BCL2: variants seen among roughly 807,000 people sequenced by gnomAD.
The protein encoded by BCL2 is apoptosis regulator Bcl-2.
A neutral mutation model predicts 14.2 loss-of-function variants in BCL2; 1 was observed. That is an observed-to-expected ratio of 0.07 (90% CI 0.02 to 0.33). The LOEUF (loss-of-function observed/expected upper bound fraction) is 0.33. Among genes scored for constraint, BCL2 ranks in the 10% least tolerant of loss-of-function variants. The probability of loss-of-function intolerance (pLI) is 0.99; values close to 1 mark genes in which losing one functional copy is unlikely to be tolerated. For synonymous variants in BCL2, 151 were observed against 137.2 expected (o/e 1.10, Z -0.70); for missense variants, 247 against 305.9 (o/e 0.81, Z 1.44).
Position 63,299,763 on chromosome 18 carries a change from C to T in BCL2, c.585+18319G>A, listed in dbSNP as rs533104589. Among the ~76,000 whole-genome samples, 5 of 152,126 alleles carry T rather than the reference C, an allele frequency of 3.3e-5. 1 individual carries two copies. In the East Asian group the frequency reaches 9.7e-4, roughly 29 times the overall value. The stretch of plus-strand genomic sequence containing the variant: ...TTACTCTGCTTATTTGCATATGGTA[C>T]CCTTTCACATTCTCCAGAGAGCAAG... On this transcript the variant is annotated intron_variant, in intron 2 of 2. Transcript: ENST00000333681.
At chr18:63,152,264 C>G (rs923332670) in intron 2 of BCL2, among the ~76,000 whole-genome samples, 5 of 152,204 alleles carry the variant, frequency 3.3e-5, no homozygotes, top group African/African-American at 1.2e-4. Flanking sequence ...TGACACCACA[C>G]CAATGTGCTG....
chr18:63,254,899 CA>C, intron 2 of BCL2, among the ~76,000 whole-genome samples: 1 of 152,222 alleles, frequency 6.6e-6, no homozygotes, highest in Non-Finnish European at 1.5e-5. Context: ...TGAGGTCTTC[CA>C]AAGGTGACAT....
At chr18:63,316,406 T>C (rs557967590) in intron 2 of BCL2, 5 of 152,316 alleles carry the variant, frequency 3.3e-5, no homozygotes, top group South Asian at 2.1e-4. Flanking sequence ...AAAGGATCCT[T>C]TGGGAATCTG....
chr18:63,295,136 C>T (rs1370307748), intron 2 of BCL2, among the ~76,000 whole-genome samples: 2 of 151,680 alleles, frequency 1.3e-5, no homozygotes, highest in African/African-American at 4.8e-5. Context: ...TGCATTCCAG[C>T]CTGGGAGACA....
chr18:63,214,842 C>T (rs6567330), intron 2 of BCL2, among the ~76,000 whole-genome samples: 30,909 of 151,960 alleles, frequency 0.2, 3,967 homozygotes, highest in African/African-American at 0.37. Context: ...CCCCAAGTAG[C>T]TGGGACTACA....
chr18:63,147,286 A>G lies in BCL2; in HGVS notation c.586-18527T>C, dbSNP rs375658273. Among the ~76,000 whole-genome samples, 29 of 152,344 alleles carry G rather than the reference A, an allele frequency of 1.9e-4. No homozygotes were observed. The South Asian group carries it at 5.8e-3, about 30-fold the overall frequency. Reference sequence around the variant, plus strand: ...CCTCTAAAGGTCCTTGGTGACACTCAAGTGACATCACTTTTAGATTCTGGG... The same window carrying G: ...CCTCTAAAGGTCCTTGGTGACACTCGAGTGACATCACTTTTAGATTCTGGG... On this transcript the variant is annotated intron_variant, in intron 2 of 2. Transcript: ENST00000333681.
chr18:63,256,712 C>G (rs1209300408), intron 2 of BCL2, among the ~76,000 whole-genome samples: 1 of 152,142 alleles, frequency 6.6e-6, no homozygotes, highest in African/African-American at 2.4e-5. Flanking sequence ...GTTCTACTTA[C>G]AGTTTAGGGT....
chr18:63,230,953 T>C (rs777472773), intron 2 of BCL2, among the ~76,000 whole-genome samples: 1 of 151,972 alleles, frequency 6.6e-6, no homozygotes, highest in Admixed American at 6.5e-5. Flanking sequence ...TGCACAAATA[T>C]ATAGTATTTC....
intron 2 of BCL2, among the ~76,000 whole-genome samples, chr18:63,143,661 G>A (rs371077078): frequency 2.0e-5 from 3 of 152,366 alleles, no homozygotes; most frequent in African/African-American, 7.2e-5. Flanking sequence ...CTGTGCTACG[G>A]GGCCTTTATA....
In BCL2 at chr18:63,185,285, G is replaced by A. The variant is rs187355493; in HGVS notation, c.586-56526C>T. On this transcript the variant is annotated intron_variant, in intron 2 of 2. Coordinates refer to ENST00000333681, the MANE Select transcript of BCL2 (RefSeq NM_000633.3). ...AGTATTTCTATGGAAAAGCAGTGTCGTGATAAAAGGACAGGTCTTCAGGTC... is the reference window on the plus strand; with the variant it reads ...AGTATTTCTATGGAAAAGCAGTGTCATGATAAAAGGACAGGTCTTCAGGTC... 4.5e-4 allele frequency among the ~76,000 whole-genome samples: 68 copies of A among 152,330 alleles called. 1 individual carries two copies. Among genetic ancestry groups the A allele is most frequent in the Middle Eastern group, 6.8e-3 (2 of 294 alleles).
intron 2 of BCL2, chr18:63,302,951 C>T (rs1913011163): frequency 1.3e-5 from 12 of 920,624 alleles, no homozygotes; most frequent in Non-Finnish European, 1.6e-5. Context: ...GCCCTGGTTG[C>T]TGAAGGTGGG....
At chr18:63,160,702 C>A (rs1323746739) in intron 2 of BCL2, among the ~76,000 whole-genome samples, 1 of 152,200 alleles carries the variant, frequency 6.6e-6, no homozygotes, top group Non-Finnish European at 1.5e-5. Context: ...GTCCCTCCAA[C>A]CATCACATTC....
intron 2 of BCL2, among the ~76,000 whole-genome samples, chr18:63,200,705 C>T (rs151220874): frequency 1.2e-3 from 180 of 152,274 alleles, no homozygotes; most frequent in African/African-American, 3.9e-3. Context: ...TAGCTCAACA[C>T]GGGTGGGAGA....
chr18:63,222,636 C>A (rs758379991), intron 2 of BCL2, among the ~76,000 whole-genome samples: 2 of 152,086 alleles, frequency 1.3e-5, no homozygotes, highest in Non-Finnish European at 2.9e-5. Context: ...ACAAAACAGG[C>A]CATCAGTGAA....
chr18:63,195,070 A>G (rs764392660), intron 2 of BCL2, among the ~76,000 whole-genome samples: 4 of 152,240 alleles, frequency 2.6e-5, no homozygotes, highest in Non-Finnish European at 5.9e-5. Flanking sequence ...GGCATACCCA[A>G]CATCACAGTG....
intron 2 of BCL2, among the ~76,000 whole-genome samples, chr18:63,159,002 T>A (rs1213223184): frequency 6.6e-6 from 1 of 152,208 alleles, no homozygotes; most frequent in Non-Finnish European, 1.5e-5. Context: ...CACTGGAGTC[T>A]GACTAGAGGC....
Position 63,149,040 on chromosome 18 carries a change from C to T in BCL2, c.586-20281G>A, listed in dbSNP as rs1043204964. 1.3e-5 allele frequency among the ~76,000 whole-genome samples: 2 copies of T among 152,170 alleles called. No individual in the cohort carries two copies. The highest frequency in any genetic ancestry group is 4.8e-5 in the African/African-American group (2 of 41,426). On this transcript the variant is annotated intron_variant, in intron 2 of 2. Coordinates refer to ENST00000333681, the MANE Select transcript of BCL2 (RefSeq NM_000633.3). The surrounding 1 kb of genome is among the most constrained non-coding windows in gnomAD (Gnocchi z 4.2). ...AGCTAAACGGGCCTGCCCAGAGCCA[C>T]GAAGTCATAAGTGTGCATGGAGCAG... is the stretch of plus-strand genomic sequence containing the variant.
intron 2 of BCL2, 150 bp downstream of exon 2, chr18:63,317,932 G>A: frequency 6.8e-7 from 1 of 1,466,724 alleles, no homozygotes; most frequent in South Asian, 1.4e-5. Flanking sequence ...TTTGTCCAGA[G>A]GAGGAGGTAG....
intron 2 of BCL2, among the ~76,000 whole-genome samples, chr18:63,192,405 G>A (rs372263300): frequency 4.6e-5 from 7 of 152,172 alleles, no homozygotes; most frequent in Non-Finnish European, 8.8e-5. Flanking sequence ...GAATCAGTGC[G>A]AAGGCAGTGT....
Sources: gnomAD v4.1 joint callset for allele counts (sites outside exome capture counted in the v4.1 genomes callset) on GRCh38, gnomAD v4.1.1 for gene constraint, Gnocchi (gnomAD v3.1) non-coding constraint, MANE v1.5 for transcripts, NCBI Gene and HGNC (gene_info 2026-07-23, HGNC 2026-07-21) for gene names.